The following DACH2 variants were observed in gnomAD, a reference collection of about 807,000 sequenced individuals.
DACH2 encodes dachshund homolog 2.
A neutral mutation model predicts 35.8 loss-of-function variants in DACH2; 17 were observed. That is an observed-to-expected ratio of 0.48 (90% confidence interval 0.33 to 0.71). DACH2 has a LOEUF of 0.71. DACH2 is among the 30% of genes least tolerant of loss of function. The pLI is 0.02. For synonymous variants in DACH2, 195 were observed against 177.3 expected (o/e 1.10, Z -0.79); for missense variants, 469 against 472.7 (o/e 0.99, Z 0.07).
At chrX:86,462,488 G>T (rs2037592443) in intron 2 of DACH2, among the ~76,000 whole-genome samples, 1 of 111,406 alleles carries the variant, frequency 9.0e-6, no homozygotes, top group Non-Finnish European at 1.9e-5. Context: ...GGGGCAAGAG[G>T]TCTTGTACAT....
chrX:86,442,355 TTGTGTGTGTGTG>T (rs780963312), intron 2 of DACH2, among the ~76,000 whole-genome samples: 1 of 71,338 alleles, frequency 1.4e-5, no homozygotes, highest in Admixed American at 1.8e-4. Context: ...AAGTAGTATT[TTGTGTGTGTGTG>T]TGTGTGTGTG....
At chrX:86,699,892 TA>T (rs1266506376) in intron 5 of DACH2, among the ~76,000 whole-genome samples, 1 of 111,725 alleles carries the variant, frequency 9.0e-6, no homozygotes, top group Non-Finnish European at 1.9e-5. Context: ...AAGATTTTCA[TA>T]TGTACTATCT....
intron 3 of DACH2, among the ~76,000 whole-genome samples, chrX:86,588,110 A>G (rs2039598102): frequency 9.0e-6 from 1 of 111,379 alleles, no homozygotes; most frequent in Non-Finnish European, 1.9e-5. Flanking sequence ...TCCCAGCACC[A>G]TTTATTAAAT....
intron 2 of DACH2, among the ~76,000 whole-genome samples, chrX:86,498,847 AT>A (rs971718521): frequency 3.6e-5 from 4 of 111,185 alleles, no homozygotes; most frequent in South Asian, 3.7e-4. Flanking sequence ...AAAGTGCAAG[AT>A]TTTTTTTATT....
chrX:86,653,229 T>A (rs2040498040), intron 4 of DACH2, among the ~76,000 whole-genome samples: 1 of 112,364 alleles, frequency 8.9e-6, no homozygotes, highest in East Asian at 2.8e-4. Context: ...TTATTAAAGA[T>A]CAGATGGTTG....
chrX:86,292,734 T>G (rs1173670239), intron 1 of DACH2, among the ~76,000 whole-genome samples: 4 of 111,873 alleles, frequency 3.6e-5, no homozygotes, highest in African/African-American at 1.3e-4. Context: ...AGTTGAGCGG[T>G]TTTGAGTGAG....
chrX:86,701,885 G>C (rs756821694), intron 5 of DACH2, among the ~76,000 whole-genome samples: 2 of 111,129 alleles, frequency 1.8e-5, no homozygotes, highest in African/African-American at 6.5e-5. Context: ...GTACAAGGAG[G>C]GAGATGATCA....
At chrX:86,286,937 GT>G (rs942782323) in intron 1 of DACH2, among the ~76,000 whole-genome samples, 2 of 111,477 alleles carry the variant, frequency 1.8e-5, no homozygotes, top group Admixed American at 9.5e-5. Flanking sequence ...AATATTCTGT[GT>G]TTTTTTCTGT....
chrX:86,696,684 T>C (rs985169400), intron 5 of DACH2, among the ~76,000 whole-genome samples: 1 of 111,672 alleles, frequency 9.0e-6, no homozygotes, highest in Admixed American at 9.5e-5. Flanking sequence ...TAGATCCTGG[T>C]AGAAGCATTT....
chrX:86,503,217 G>T (rs915905876), intron 2 of DACH2, among the ~76,000 whole-genome samples: 21 of 111,653 alleles, frequency 1.9e-4, no homozygotes, highest in African/African-American at 6.2e-4. Flanking sequence ...GCATTGAACC[G>T]TGAATGTAAG....
intron 2 of DACH2, among the ~76,000 whole-genome samples, chrX:86,412,956 C>T (rs766109250): frequency 9.0e-6 from 1 of 111,379 alleles, no homozygotes; most frequent in South Asian, 3.8e-4. Context: ...TGTGTTGTCT[C>T]CAAATTTTAA....
chrX:86,693,686 G>T (rs767911125), intron 4 of DACH2, among the ~76,000 whole-genome samples: 1 of 112,519 alleles, frequency 8.9e-6, no homozygotes, highest in Non-Finnish European at 1.9e-5. Context: ...TGCAAATGTG[G>T]TTTTTGAAAT....
chrX:86,506,933 G>T (rs1265882929), intron 2 of DACH2, among the ~76,000 whole-genome samples: 1 of 111,976 alleles, frequency 8.9e-6, no homozygotes, highest in Non-Finnish European at 1.9e-5. Flanking sequence ...ACTGGGATTA[G>T]AACTCAGATT....
At chrX:86,771,784 C>T (rs1233393918) in intron 7 of DACH2, among the ~76,000 whole-genome samples, 1 of 111,793 alleles carries the variant, frequency 8.9e-6, no homozygotes, top group Non-Finnish European at 1.9e-5. Flanking sequence ...TTTTATCTCT[C>T]GGTTTCCTGA....
intron 5 of DACH2, among the ~76,000 whole-genome samples, chrX:86,705,829 A>G (rs1242135228): frequency 9.0e-6 from 1 of 111,708 alleles, no homozygotes; most frequent in Non-Finnish European, 1.9e-5. Context: ...TTGCAAACAT[A>G]TGGAATCGAC....
chrX:86,309,678 G>T (rs971811128), intron 1 of DACH2, among the ~76,000 whole-genome samples: 2 of 112,011 alleles, frequency 1.8e-5, no homozygotes, highest in African/African-American at 6.5e-5. Context: ...AAAATTTCTA[G>T]GGGTTCTGTG....
At chrX:86,698,547 T>TTTTTTTTTTTTC (rs1174484010) in intron 5 of DACH2, among the ~76,000 whole-genome samples, 1 of 85,040 alleles carries the variant, frequency 1.2e-5, no homozygotes, top group Non-Finnish European at 2.3e-5. Context: ...TTTTTTTTTT[T>TTTTTTTTTTTTC]TACAGGGTCT....
intron 7 of DACH2, among the ~76,000 whole-genome samples, chrX:86,777,807 A>T (rs1422286286): frequency 9.0e-6 from 1 of 111,540 alleles, no homozygotes; most frequent in East Asian, 2.8e-4. Context: ...CTTTGACTGT[A>T]TAAACTGTGA....
chrX:86,636,201 C>G (rs1410870234), intron 3 of DACH2, among the ~76,000 whole-genome samples: 2 of 111,036 alleles, frequency 1.8e-5, no homozygotes, highest in Non-Finnish European at 3.8e-5. Context: ...AATCTCAACA[C>G]TTTGGGAGGC....
Sources: allele counts gnomAD v4.1 joint callset (sites outside exome capture counted in the v4.1 genomes callset), GRCh38; gene constraint gnomAD v4.1.1; transcripts MANE v1.5; gene names NCBI Gene and HGNC (gene_info 2026-07-23, HGNC 2026-07-21).